HSPA12A: variants seen among roughly 807,000 people sequenced by gnomAD.
The protein encoded by HSPA12A is heat shock protein family A (Hsp70) member 12A.
In HSPA12A, 28 loss-of-function variants were observed where a neutral mutation model predicts 69.2. That is an observed-to-expected ratio of 0.40 (90% CI 0.30 to 0.55). The LOEUF (loss-of-function observed/expected upper bound fraction) is 0.55, where lower values mean the gene tolerates loss of function less well. HSPA12A is among the 20% of genes least tolerant of loss of function. The pLI, the probability that HSPA12A is intolerant of heterozygous loss-of-function variation, is 0.38. For synonymous variants in HSPA12A, 345 were observed against 370.5 expected, an observed-to-expected ratio of 0.93 and a Z score of 0.79; for missense variants, 686 against 900.7, an observed-to-expected ratio of 0.76 and a Z score of 3.05.
At chr10:116,782,868 G>A (rs1554891958) in intron 2 of HSPA12A, among the ~76,000 whole-genome samples, 1 of 152,142 alleles carries the variant, frequency 6.6e-6, no homozygotes, top group Non-Finnish European at 1.5e-5. Context: ...AGTAGACACT[G>A]AGACTGACTC....
At chr10:116,806,669 T>C (rs1453959232) in intron 2 of HSPA12A, among the ~76,000 whole-genome samples, 2 of 152,152 alleles carry the variant, frequency 1.3e-5, no homozygotes, top group East Asian at 1.9e-4. Flanking sequence ...TTAAAGCAGA[T>C]ATGCAAAGGT....
At chr10:116,694,495 C>A (rs984182684) in intron 5 of HSPA12A, among the ~76,000 whole-genome samples, 2 of 152,214 alleles carry the variant, frequency 1.3e-5, no homozygotes, top group Non-Finnish European at 2.9e-5. Context: ...AATTCACAAA[C>A]AACCACCCAC....
At chr10:116,773,917 A>G (rs1844271217) in intron 2 of HSPA12A, among the ~76,000 whole-genome samples, 1 of 152,156 alleles carries the variant, frequency 6.6e-6, no homozygotes. Flanking sequence ...CTATGCCACC[A>G]TTCAGCTGAA....
At chr10:116,826,385 G>A (rs1179790010) in intron 2 of HSPA12A, among the ~76,000 whole-genome samples, 1 of 152,166 alleles carries the variant, frequency 6.6e-6, no homozygotes, top group African/African-American at 2.4e-5. Context: ...TGCTTAATAA[G>A]TATTTCTTGA....
chr10:116,766,079 C>T (rs1244676223), intron 2 of HSPA12A, among the ~76,000 whole-genome samples: 1 of 152,220 alleles, frequency 6.6e-6, no homozygotes, highest in Non-Finnish European at 1.5e-5. Flanking sequence ...CACCTTCCCA[C>T]CTTTCCTGCT....
chr10:116,758,446 C>T (rs1359612339), intron 2 of HSPA12A, among the ~76,000 whole-genome samples: 3 of 152,166 alleles, frequency 2.0e-5, no homozygotes, highest in East Asian at 1.9e-4. Flanking sequence ...CAGGACCACC[C>T]GGCCAGGAGG....
chr10:116,676,575 C>T (rs1040140268), intron 10 of HSPA12A, 73 bp from the exon 11 acceptor site: 9 of 1,162,080 alleles, frequency 7.7e-6, no homozygotes, highest in Non-Finnish European at 1.1e-5. Context: ...TGCATAGACA[C>T]CTGCCCTGGC....
chr10:116,751,773 C>G (rs1554888374), intron 2 of HSPA12A, among the ~76,000 whole-genome samples: 2 of 152,066 alleles, frequency 1.3e-5, no homozygotes, highest in African/African-American at 4.8e-5. Context: ...GGGGACAGGT[C>G]CCTCATAAAT....
At chr10:116,847,164 A>T (rs1845902790) in intron 1 of HSPA12A, among the ~76,000 whole-genome samples, 1 of 152,182 alleles carries the variant, frequency 6.6e-6, no homozygotes, top group Admixed American at 6.5e-5. Context: ...CAGATGACGC[A>T]CTGATCCTAT....
chr10:116,805,143 T>C (rs1485534262), intron 2 of HSPA12A, among the ~76,000 whole-genome samples: 4 of 151,998 alleles, frequency 2.6e-5, no homozygotes, highest in Non-Finnish European at 5.9e-5. Context: ...TATGAAACCC[T>C]GTCTCTACTA....
chr10:116,761,355 G>A (rs540166134), intron 2 of HSPA12A, among the ~76,000 whole-genome samples: 40 of 151,978 alleles, frequency 2.6e-4, no homozygotes, highest in African/African-American at 6.0e-4. Flanking sequence ...GCATAGTGGC[G>A]CACACCTGTA....
intron 2 of HSPA12A, chr10:116,750,048 G>A: frequency 3.3e-6 from 1 of 299,244 alleles, no homozygotes; most frequent in Non-Finnish European, 6.3e-6. Context: ...CCCAAATACA[G>A]GATGATCGCT....
intron 2 of HSPA12A, among the ~76,000 whole-genome samples, chr10:116,753,958 C>T (rs1354775167): frequency 6.6e-6 from 1 of 152,210 alleles, no homozygotes; most frequent in African/African-American, 2.4e-5. Flanking sequence ...GCCAAGCACT[C>T]AGCTACCTCA....
At chr10:116,773,224 C>A (rs543425835) in intron 2 of HSPA12A, among the ~76,000 whole-genome samples, 1 of 152,362 alleles carries the variant, frequency 6.6e-6, no homozygotes, top group African/African-American at 2.4e-5. Context: ...TTTCCCCAGC[C>A]CCTCCAGAGG....
intron 2 of HSPA12A, among the ~76,000 whole-genome samples, chr10:116,825,832 CTT>C (rs1845491956): frequency 6.6e-6 from 1 of 152,154 alleles, no homozygotes; most frequent in Admixed American, 6.6e-5. Flanking sequence ...GAATTATACA[CTT>C]TGAGTGAATT....
intron 2 of HSPA12A, among the ~76,000 whole-genome samples, chr10:116,752,660 G>C (rs781877297): frequency 1.9e-4 from 29 of 152,302 alleles, no homozygotes; most frequent in Admixed American, 9.8e-4. Context: ...AGGGTGCAAG[G>C]AGTGCAGTAG....
chr10:116,787,510 T>C lies in HSPA12A; in HGVS notation c.91+47425A>G, dbSNP rs117037094. Among the ~76,000 whole-genome samples the C allele has an allele frequency of 6.6e-3, 996 of 151,282 alleles. 10 individuals are homozygous for C. Among genetic ancestry groups the C allele is most frequent in the Middle Eastern group, 0.021 (6 of 288 alleles). On this transcript the variant is annotated intron_variant, in intron 2 of 12. Coordinates refer to the HSPA12A transcript ENST00000635765. ...TGATGTGGGAGGCTTTCAGCGTCAT[T>C]GCTAAATGCAAACGAGAAACTGAGT...
chr10:116,749,898 G>A, intron 2 of HSPA12A: 1 of 165,892 alleles, frequency 6.0e-6, no homozygotes, highest in Non-Finnish European at 1.3e-5. Flanking sequence ...TCTCTGTTCT[G>A]CAGGACAGGG....
intron 2 of HSPA12A, among the ~76,000 whole-genome samples, chr10:116,802,454 A>C (rs753607733): frequency 5.1e-4 from 77 of 152,230 alleles, no homozygotes; most frequent in South Asian, 1.2e-3. Context: ...GAGCAGGGGA[A>C]CACTTGAGAG....
Sources: allele counts gnomAD v4.1 joint callset (sites outside exome capture counted in the v4.1 genomes callset), GRCh38; gene constraint gnomAD v4.1.1; transcripts MANE v1.5; gene names NCBI Gene and HGNC (gene_info 2026-07-23, HGNC 2026-07-21).